Variants in HEMK2 observed in about 807,000 individuals in gnomAD.
The protein encoded by HEMK2 is HemK methyltransferase 2, ETF1 glutamine and histone H4 lysine, also known as methyltransferase HEMK2.
the HEMK2 span, chr21:28,671,430 T>A: frequency 6.6e-6 from 1 of 152,214 alleles, no homozygotes; most frequent in Non-Finnish European, 1.5e-5. Context: ...AACCTCTTCC[T>A]CTGGCTGCTA....
chr21:28,643,121 A>G, the HEMK2 span, among the ~76,000 whole-genome samples: 1 of 152,186 alleles, frequency 6.6e-6, no homozygotes, highest in East Asian at 1.9e-4. Flanking sequence ...TGTGTTCCCC[A>G]CAGTCCCCAC....
chr21:28,749,329 C>T, the HEMK2 span, among the ~76,000 whole-genome samples: 1 of 152,162 alleles, frequency 6.6e-6, no homozygotes, highest in Non-Finnish European at 1.5e-5. Flanking sequence ...AGCATTGTTC[C>T]ATGCTCAAAT....
At chr21:28,831,463 G>GAAAGAAAGAAAGA in the HEMK2 span, among the ~76,000 whole-genome samples, 1 of 10,856 alleles carries the variant, frequency 9.2e-5, no homozygotes, top group South Asian at 3.8e-3. Flanking sequence ...AGAAAAGAAC[G>GAAAGAAAGAAAGA]AAAGAAAGAA....
chr21:28,836,594 A>G, the HEMK2 span, among the ~76,000 whole-genome samples: 1 of 152,186 alleles, frequency 6.6e-6, no homozygotes, highest in East Asian at 1.9e-4. Flanking sequence ...AAAAGCAAAA[A>G]CAAAAAACAA....
At chr21:28,670,172 C>A in the HEMK2 span, among the ~76,000 whole-genome samples, 166 of 152,008 alleles carry the variant, frequency 1.1e-3, no homozygotes, top group African/African-American at 3.7e-3. Flanking sequence ...GCATGTTTTC[C>A]ATTAACTTAA....
the HEMK2 span, among the ~76,000 whole-genome samples, chr21:28,625,122 A>G: frequency 1.3e-5 from 2 of 152,330 alleles, no homozygotes; most frequent in Admixed American, 1.3e-4. Context: ...GAAAAGTCAC[A>G]TTATCACTGA....
chr21:28,653,967 A>G, the HEMK2 span, among the ~76,000 whole-genome samples: 1 of 152,222 alleles, frequency 6.6e-6, no homozygotes, highest in African/African-American at 2.4e-5. Context: ...ATGAAATAAA[A>G]CAACTTCAAA....
At chr21:28,698,764 G>T in the HEMK2 span, among the ~76,000 whole-genome samples, 1 of 152,092 alleles carries the variant, frequency 6.6e-6, no homozygotes, top group African/African-American at 2.4e-5. Context: ...ATATTTTCAT[G>T]AATATATTTT....
chr21:28,655,057 A>C, the HEMK2 span, among the ~76,000 whole-genome samples: 6 of 152,054 alleles, frequency 3.9e-5, no homozygotes, highest in Admixed American at 1.3e-4. Context: ...ATTTACCAAA[A>C]AAATCTGAGG....
At chr21:28,672,713 T>C in the HEMK2 span, among the ~76,000 whole-genome samples, 2 of 152,178 alleles carry the variant, frequency 1.3e-5, no homozygotes, top group South Asian at 4.1e-4. Flanking sequence ...AAGACACTTG[T>C]ATGACTCAAA....
the HEMK2 span, among the ~76,000 whole-genome samples, chr21:28,817,899 G>A: frequency 1.3e-5 from 2 of 152,220 alleles, no homozygotes; most frequent in African/African-American, 4.8e-5. Flanking sequence ...TGTTAAAATG[G>A]AATTAATAAA....
chr21:28,871,134 C>T, the HEMK2 span, among the ~76,000 whole-genome samples: 15 of 152,114 alleles, frequency 9.9e-5, no homozygotes, highest in Non-Finnish European at 2.1e-4. Context: ...TTCCTGGACA[C>T]AATTTTAGTA....
At chr21:28,847,454 A>G in the HEMK2 span, among the ~76,000 whole-genome samples, 1 of 152,044 alleles carries the variant, frequency 6.6e-6, no homozygotes, top group African/African-American at 2.4e-5. Context: ...TTCTTTATCC[A>G]CCTTTTAACA....
the HEMK2 span, among the ~76,000 whole-genome samples, chr21:28,722,520 T>C: frequency 2.6e-5 from 4 of 152,220 alleles, no homozygotes; most frequent in Non-Finnish European, 5.9e-5. Context: ...ATTTAAAAAA[T>C]AATGATTATA....
the HEMK2 span, among the ~76,000 whole-genome samples, chr21:28,633,258 C>T: frequency 2.0e-5 from 3 of 152,194 alleles, no homozygotes; most frequent in Admixed American, 6.5e-5. Flanking sequence ...CCTGCCAGCA[C>T]TAGTGTGCAT....
At chr21:28,819,816 G>A in the HEMK2 span, among the ~76,000 whole-genome samples, 1 of 151,946 alleles carries the variant, frequency 6.6e-6, no homozygotes. Flanking sequence ...CCAAAGTGCT[G>A]GGATTACAGG....
At chr21:28,677,083 C>G in the HEMK2 span, among the ~76,000 whole-genome samples, 22,423 of 152,106 alleles carry the variant, frequency 0.15, 1,920 homozygotes, top group African/African-American at 0.23. Flanking sequence ...CAAGTGTGAG[C>G]TGAAGCAGGG....
At chr21:28,866,266 G>A in the HEMK2 span, among the ~76,000 whole-genome samples, 2 of 151,242 alleles carry the variant, frequency 1.3e-5, no homozygotes, top group Non-Finnish European at 2.9e-5. Flanking sequence ...ACTTGAGCTT[G>A]AGAGGTCAAG....
At chr21:28,835,491 C>T in the HEMK2 span, among the ~76,000 whole-genome samples, 2 of 152,082 alleles carry the variant, frequency 1.3e-5, no homozygotes, top group Non-Finnish European at 2.9e-5. Context: ...TGAACAATAG[C>T]CTTCAGTCCT....
Sources: gnomAD v4.1 joint callset for allele counts (sites outside exome capture counted in the v4.1 genomes callset) on GRCh38, gnomAD v4.1.1 for gene constraint, MANE v1.5 for transcripts, NCBI Gene and HGNC (gene_info 2026-07-23, HGNC 2026-07-21) for gene names.